DCBLD1: variants seen among roughly 807,000 people sequenced by gnomAD.
DCBLD1 encodes discoidin, CUB and LCCL domain-containing protein 1.
In DCBLD1, 57 loss-of-function variants were observed where a neutral mutation model predicts 71.5. That is an observed-to-expected ratio of 0.80 (90% CI 0.64 to 0.99). The LOEUF (loss-of-function observed/expected upper bound fraction) is 0.99. DCBLD1 is among the 50% of genes least tolerant of loss of function. The pLI is 0.00. For synonymous variants in DCBLD1, 380 were observed against 363.8 expected (o/e 1.04, Z -0.51); for missense variants, 891 against 923.5 (o/e 0.96, Z 0.46).
At chr6:117,524,530 C>A (rs1583006809) in intron 4 of DCBLD1, among the ~76,000 whole-genome samples, 1 of 151,960 alleles carries the variant, frequency 6.6e-6, no homozygotes, top group South Asian at 2.1e-4. Flanking sequence ...AAAATATATC[C>A]TTTTTTTCTG....
chr6:117,490,583 T>C (rs1260908366), intron 1 of DCBLD1, among the ~76,000 whole-genome samples: 1 of 152,214 alleles, frequency 6.6e-6, no homozygotes, highest in African/African-American at 2.4e-5. Flanking sequence ...TTAAACATAC[T>C]AAGTATCAGA....
In DCBLD1 at chr6:117,482,913, C is replaced by A. The variant is rs1035343922; in HGVS notation, c.112+20C>A. On this transcript the variant is annotated intron_variant, in intron 1 of 14. Transcript: ENST00000338728. ...AGCTGGGTGAGTGGAGCGCGTCCGG[C>A]TGGCGGCGGGACCCGAGGCGCCAGG... 5.7e-5 allele frequency: 68 copies of A among 1,183,184 alleles called. No individual in the cohort carries two copies. The highest frequency in any genetic ancestry group is 6.7e-5 in the Non-Finnish European group (64 of 955,634). 73.3% of individuals were successfully genotyped at this position (1,183,184 alleles called of 1,614,324 possible). A position where few individuals can be genotyped will look rare whatever the true frequency, so the allele number is the denominator to read the frequency against.
At chr6:117,493,470 A>G (rs150860609) in intron 1 of DCBLD1, among the ~76,000 whole-genome samples, 30 of 152,290 alleles carry the variant, frequency 2.0e-4, no homozygotes, top group African/African-American at 7.0e-4. Flanking sequence ...CGATAATTTA[A>G]AAAAGGGGAT....
At chr6:117,537,141 T>G (rs17079343) in intron 6 of DCBLD1, 44 bp from the exon 7 acceptor site, 129,650 of 1,605,464 alleles carry the variant, frequency 0.081, 10,286 homozygotes, top group East Asian at 0.29. Flanking sequence ...CACTAAGATG[T>G]AGGTGAGCAA....
At chr6:117,557,850 C>G (rs909240193) in intron 14 of DCBLD1, among the ~76,000 whole-genome samples, 8 of 152,330 alleles carry the variant, frequency 5.3e-5, no homozygotes, top group Admixed American at 5.2e-4. Context: ...AATTCTTACA[C>G]TTTTTGTGTA....
At chr6:117,491,381 C>A (rs1243554709) in intron 1 of DCBLD1, among the ~76,000 whole-genome samples, 1 of 152,160 alleles carries the variant, frequency 6.6e-6, no homozygotes, top group Non-Finnish European at 1.5e-5. Context: ...TGCCAAGAGA[C>A]TAAAATAGGA....
intron 3 of DCBLD1, 90 bp from the exon 4 acceptor site, chr6:117,521,435 A>G (rs1031182017): frequency 8.7e-7 from 1 of 1,154,316 alleles, no homozygotes; most frequent in South Asian, 1.4e-5. Context: ...TGCTTTTTAA[A>G]AACTCTTTTA....
chr6:117,523,193 C>T (rs953005730), intron 4 of DCBLD1, among the ~76,000 whole-genome samples: 1 of 152,160 alleles, frequency 6.6e-6, no homozygotes, highest in Non-Finnish European at 1.5e-5. Context: ...TATATCCAAG[C>T]TTACAGGGTG....
At chr6:117,547,869 G>A in intron 14 of DCBLD1, 38 bp from the exon 15 acceptor site, 1 of 1,550,288 alleles carries the variant, frequency 6.5e-7, no homozygotes, top group East Asian at 2.4e-5. Flanking sequence ...CGGCCCGTGT[G>A]TGGTGCCCGC....
intron 2 of DCBLD1, among the ~76,000 whole-genome samples, chr6:117,506,482 TA>T (rs1171495653): frequency 6.6e-5 from 10 of 152,212 alleles, no homozygotes; most frequent in Admixed American, 3.9e-4. Context: ...TAAGATAAAC[TA>T]TGTAGTGATG....
At chr6:117,483,804 G>A (rs923557578) in intron 1 of DCBLD1, among the ~76,000 whole-genome samples, 5 of 151,572 alleles carry the variant, frequency 3.3e-5, no homozygotes, top group Non-Finnish European at 7.4e-5. Flanking sequence ...ATTTAATGGC[G>A]CTGAGTCTAT....
chr6:117,547,465 G>A (rs1161125326), intron 14 of DCBLD1: 1 of 449,974 alleles, frequency 2.2e-6, no homozygotes, highest in Non-Finnish European at 4.6e-6. Flanking sequence ...GTCACCACTA[G>A]GCCCTGACCT....
At position 117,503,865 on chromosome 6, in the gene DCBLD1, A is replaced by G. The variant is rs117193276; in HGVS notation, c.211A>G (p.Thr71Ala). 1.4e-3 allele frequency: 2,334 copies of G among 1,614,150 alleles called. 2 individuals are homozygous for G. Among genetic ancestry groups the G allele is most frequent in the Non-Finnish European group, 1.7e-3 (2,013 of 1,180,010 alleles). The change falls in exon 2 of 15, where the codon ACA becomes GCA. Residue 71 changes from threonine (T) to alanine (A), a missense_variant. Transcript: ENST00000338728. ...TYPNHTVCEKTITVPKGKRLI... is the reference protein window; with the variant it reads ...TYPNHTVCEKAITVPKGKRLI... ...CCCCAATCACACTGTTTGCGAAAAG[A>G]CAATTACAGTACCAAAGGGGAAAAG...
intron 14 of DCBLD1, among the ~76,000 whole-genome samples, chr6:117,547,078 T>C (rs913552588): frequency 1.3e-5 from 2 of 152,204 alleles, no homozygotes; most frequent in Non-Finnish European, 2.9e-5. Context: ...TCTATGTGCA[T>C]TTCTCTTTGC....
rs139515873 is a variant in DCBLD1 at position 117,565,567 on chromosome 6, A to G, written c.1616-4053A>G. Among the ~76,000 whole-genome samples, 747 of 152,286 alleles carry G rather than the reference A, an allele frequency of 4.9e-3. 10 individuals are homozygous for G. The highest frequency in any genetic ancestry group is 0.017 in the African/African-American group (723 of 41,560). Reference sequence around the variant, plus strand: ...CCATGAAGTTATGTAGCAATTCCAAAAGTTGACACATTTCACTTTACTGTA... The same window carrying G: ...CCATGAAGTTATGTAGCAATTCCAAGAGTTGACACATTTCACTTTACTGTA... On this transcript the variant is annotated intron_variant, in intron 14 of 14. Transcript: ENST00000296955.
chr6:117,563,070 G>A (rs1779618422), intron 14 of DCBLD1: 2 of 561,590 alleles, frequency 3.6e-6, no homozygotes, highest in East Asian at 5.9e-5. Context: ...AGCTAATTAT[G>A]GTCTACCACA....
chr6:117,483,914 C>G (rs1776995848), intron 1 of DCBLD1, among the ~76,000 whole-genome samples: 2 of 151,980 alleles, frequency 1.3e-5, no homozygotes, highest in Admixed American at 1.3e-4. Context: ...AACTATGCCT[C>G]CATTCTGAAA....
At chr6:117,518,895 G>A (rs1034725117) in intron 2 of DCBLD1, among the ~76,000 whole-genome samples, 1 of 152,102 alleles carries the variant, frequency 6.6e-6, no homozygotes, top group African/African-American at 2.4e-5. Flanking sequence ...AATATAACCC[G>A]GTTTTATTCG....
At chr6:117,522,134 TGGAAAA>T (rs1430646422) in intron 4 of DCBLD1, among the ~76,000 whole-genome samples, 3 of 152,246 alleles carry the variant, frequency 2.0e-5, no homozygotes, top group African/African-American at 7.2e-5. Context: ...CAGCTTTAGC[TGGAAAA>T]ACTACTTAGT....
Sources: allele counts gnomAD v4.1 joint callset (sites outside exome capture counted in the v4.1 genomes callset), GRCh38; gene constraint gnomAD v4.1.1; transcripts MANE v1.5; gene names NCBI Gene and HGNC (gene_info 2026-07-23, HGNC 2026-07-21).